Variants in PITPNM2 observed in about 807,000 individuals in gnomAD.
PITPNM2 encodes membrane-associated phosphatidylinositol transfer protein 2.
PITPNM2 carries 35 observed loss-of-function variants against 132.2 expected under a neutral mutation model. The ratio of observed to expected loss-of-function variants is 0.26; its 90% confidence interval spans 0.20 to 0.35. PITPNM2 has a LOEUF of 0.35. PITPNM2 is among the 10% of genes least tolerant of loss of function. PITPNM2 has a pLI of 1.00. For synonymous variants in PITPNM2, 738 were observed against 799.2 expected (o/e 0.92, Z 1.29); for missense variants, 1,332 against 1,912.0 (o/e 0.70, Z 5.66).
At chr12:123,046,698 C>T (rs2136598234) in intron 2 of PITPNM2, among the ~76,000 whole-genome samples, 1 of 152,232 alleles carries the variant, frequency 6.6e-6, no homozygotes, top group South Asian at 2.1e-4. Context: ...ACAATATGTG[C>T]TTTCTGTGTC....
At position 123,077,879 on chromosome 12, in the gene PITPNM2, C is replaced by T. The variant is rs1214894160; in HGVS notation, c.-96+32506G>A. 6.6e-6 allele frequency among the ~76,000 whole-genome samples: 1 copy of T among 151,986 alleles called. No individual in the cohort carries two copies. The highest frequency in any genetic ancestry group is 1.5e-5 in the Non-Finnish European group (1 of 67,990). ...TGCACCACAGGAGCCAGGCTGGGGTCGCGCAGCAGCCTCCCATCCCTGCAG... is the reference window on the plus strand; with the variant it reads ...TGCACCACAGGAGCCAGGCTGGGGTTGCGCAGCAGCCTCCCATCCCTGCAG... On this transcript the variant is annotated intron_variant, in intron 2 of 25. Coordinates refer to ENST00000320201, the MANE Select transcript of PITPNM2 (RefSeq NM_020845.3). The surrounding 1 kb of genome is among the most constrained non-coding windows in gnomAD (Gnocchi z 4.8).
intron 1 of PITPNM2, among the ~76,000 whole-genome samples, chr12:123,114,192 T>G (rs1390171602): frequency 3.3e-5 from 5 of 152,192 alleles, no homozygotes; most frequent in Non-Finnish European, 7.3e-5. Flanking sequence ...TATTTTCAAT[T>G]CTTTTGGGTA....
At position 123,012,588 on chromosome 12, in the gene PITPNM2, G is replaced by A. The variant is rs201376623; in HGVS notation, c.415+25C>T. On this transcript the variant is annotated intron_variant, in intron 5 of 25. Coordinates refer to ENST00000320201, the MANE Select transcript of PITPNM2 (RefSeq NM_020845.3). ...GGTAGGAAACCCAGAGTACAGCCCT[G>A]TGGGGCTCTGCCCTTCCTGGTTACC... The A allele has an allele frequency of 1.2e-3, 1,898 of 1,613,460 alleles. 39 individuals are homozygous for A. The highest frequency in any genetic ancestry group is 2.2e-4 in the Non-Finnish European group (265 of 1,179,572).
chr12:123,128,897 A>G (rs1329491580), intron 1 of PITPNM2, among the ~76,000 whole-genome samples: 1 of 151,862 alleles, frequency 6.6e-6, no homozygotes, highest in Non-Finnish European at 1.5e-5. Flanking sequence ...AGCACTTGGG[A>G]GGCCAAGAGG....
intron 1 of PITPNM2, among the ~76,000 whole-genome samples, chr12:123,136,769 C>T (rs1014663764): frequency 6.6e-6 from 1 of 152,020 alleles, no homozygotes; most frequent in Non-Finnish European, 1.5e-5. Flanking sequence ...TGGTGGCAGG[C>T]GCCTGTAGTC....
rs770772233 is a variant in PITPNM2 at position 122,994,873 on chromosome 12, C to T, written c.2161G>A (p.Asp721Asn). 100 of 1,612,162 alleles carry T rather than the reference C, an allele frequency of 6.2e-5. No homozygotes were observed. Among genetic ancestry groups the T allele is most frequent in the South Asian group, 3.3e-4 (30 of 91,046 alleles). ...AGCGGGCACCCGAAGAGGAAGAGGTCGGTGATCTCAAAGTCAAACCTGCCC... is the reference window on the plus strand; with the variant it reads ...AGCGGGCACCCGAAGAGGAAGAGGTTGGTGATCTCAAAGTCAAACCTGCCC... ...ALGRFDFEIT[D>N]LFLFGCPLGL... The change falls in exon 15 of 26, where the codon GAC becomes AAC. Residue 721 changes from aspartate (D) to asparagine (N), a missense_variant. Transcript: ENST00000320201. This position sits in a 1 kb window ranked among gnomAD's most constrained non-coding sequence, Gnocchi z 5.4.
rs2037897364 is a variant in PITPNM2, at chr12:122,985,484, G to A, written c.*543C>T. ...TGTGGTTGTAGGTCCTGGGTCAGCAGGTACTGAGTTTCATGCATGTCAACG... is the reference window on the plus strand; with the variant it reads ...TGTGGTTGTAGGTCCTGGGTCAGCAAGTACTGAGTTTCATGCATGTCAACG... On this transcript the variant is annotated 3_prime_UTR_variant, in exon 26 of 26. Transcript: ENST00000320201. The A allele has an allele frequency of 1.3e-5, 2 of 152,956 alleles. No individual in the cohort carries two copies. Among genetic ancestry groups the A allele is most frequent in the Non-Finnish European group, 2.9e-5 (2 of 68,306 alleles). 9.5% of individuals were successfully genotyped at this position (152,956 alleles called of 1,614,324 possible).
intron 2 of PITPNM2, chr12:123,091,741 C>CCAGAG (rs768772126): frequency 3.7e-4 from 57 of 152,312 alleles, no homozygotes; most frequent in African/African-American, 1.1e-3. Flanking sequence ...CCGCTGTCAC[C>CCAGAG]CAGAGCATAT....
Position 123,058,052 on chromosome 12 carries a change from C to T in PITPNM2, c.-95-23367G>A, listed in dbSNP as rs919089891. ...GGGCCACTAGGCAGCAAAAAACAAA[C>T]TATGCCTTCATCCCCTGACCTTTTA... On this transcript the variant is annotated intron_variant, in intron 2 of 25. Transcript: ENST00000320201. This position sits in a 1 kb window ranked among gnomAD's most constrained non-coding sequence, Gnocchi z 4.0. Among the ~76,000 whole-genome samples, 1 of 152,240 alleles carries T rather than the reference C, an allele frequency of 6.6e-6. No homozygotes were observed. Among genetic ancestry groups the T allele is most frequent in the Non-Finnish European group, 1.5e-5 (1 of 68,038 alleles).
intron 2 of PITPNM2, among the ~76,000 whole-genome samples, chr12:123,101,383 T>C (rs1347004608): frequency 1.3e-5 from 2 of 152,188 alleles, no homozygotes; most frequent in Admixed American, 6.5e-5. Flanking sequence ...TTAATAAACA[T>C]ATCCACAGCG....
In PITPNM2 at chr12:123,023,375, C is replaced by G. The variant is rs748023667; in HGVS notation, c.79-9333G>C. Reference sequence around the variant, plus strand: ...TCTTCTGGGTGGAGCAGAAGGTGCACGTGACCAGAGCCATCTCTAGAGAAG... The same window carrying G: ...TCTTCTGGGTGGAGCAGAAGGTGCAGGTGACCAGAGCCATCTCTAGAGAAG... On this transcript the variant is annotated intron_variant, in intron 3 of 25. Coordinates refer to ENST00000320201, the MANE Select transcript of PITPNM2 (RefSeq NM_020845.3). This position sits in a 1 kb window ranked among gnomAD's most constrained non-coding sequence, Gnocchi z 4.8. Among the ~76,000 whole-genome samples the G allele has an allele frequency of 6.6e-6, 1 of 152,136 alleles. No individual in the cohort carries two copies. Among genetic ancestry groups the G allele is most frequent in the East Asian group, 1.9e-4 (1 of 5,180 alleles).
Position 122,997,423 on chromosome 12 carries a change from G to A in PITPNM2, c.1374C>T (p.Thr458=), listed in dbSNP as rs966923075. The A allele has an allele frequency of 6.2e-6, 10 of 1,613,452 alleles. No homozygotes were observed. The highest frequency in any genetic ancestry group is 2.2e-5 in the East Asian group (1 of 44,890). ...DANTIANVFD[T]VMRVHYPSAL... is the part of the protein sequence containing the mutation. ...CGCTGGGGTAGTGCACGCGCATGAC[G>A]GTGTCGAACACGTTGGCGATGGTGT... Residue 458 remains threonine, a synonymous_variant, in exon 11 of 26, where the codon ACC becomes ACT. Coordinates refer to ENST00000320201, the MANE Select transcript of PITPNM2 (RefSeq NM_020845.3).
At position 122,984,025 on chromosome 12, in the gene PITPNM2, G is replaced by A. The variant is rs145886845; in HGVS notation, c.*2002C>T. 1 of 152,898 alleles carries A rather than the reference G, an allele frequency of 6.5e-6. No individual in the cohort carries two copies. Among genetic ancestry groups the A allele is most frequent in the Non-Finnish European group, 1.5e-5 (1 of 68,072 alleles). The allele number at this position is 152,898 out of a possible 1,614,324, so 9.5% of individuals were successfully genotyped here. The stretch of plus-strand genomic sequence containing the variant: ...GGAAAGCAGACCTGGATACAGAAGA[G>A]ACTTCCCATGGGGGGGCAGGCTGCC... On this transcript the variant is annotated 3_prime_UTR_variant, in exon 26 of 26. Transcript: ENST00000320201.
At chr12:123,024,918 C>G (rs976538005) in intron 3 of PITPNM2, among the ~76,000 whole-genome samples, 13 of 152,228 alleles carry the variant, frequency 8.5e-5, no homozygotes, top group African/African-American at 3.1e-4. Context: ...CTCAATAAAG[C>G]TGTTATAAAA....
chr12:123,058,912 G>A lies in PITPNM2; in HGVS notation c.-95-24227C>T, dbSNP rs563830768. Among the ~76,000 whole-genome samples, 1 of 151,452 alleles carries A rather than the reference G, an allele frequency of 6.6e-6. No individual in the cohort carries two copies. The highest frequency in any genetic ancestry group is 6.6e-5 in the Admixed American group (1 of 15,140). On this transcript the variant is annotated intron_variant, in intron 2 of 25. Transcript: ENST00000320201. The surrounding 1 kb of genome is among the most constrained non-coding windows in gnomAD (Gnocchi z 4.0). ...GCAAAGCTGAGTGCCCAGGTGCATTGAGAGCACCTCAGCCCCAGCTCCCAC... is the reference window on the plus strand; with the variant it reads ...GCAAAGCTGAGTGCCCAGGTGCATTAAGAGCACCTCAGCCCCAGCTCCCAC...
In PITPNM2 at chr12:123,129,011, T is replaced by A. The variant is rs377293804; in HGVS notation, c.-199-18523A>T. The stretch of plus-strand genomic sequence containing the variant: ...TTAGCCAGGTGTGGTGGTGGGCACC[T>A]GTAATTACAGCTACTCAGGAGGCTG... On this transcript the variant is annotated intron_variant, in intron 1 of 25. Coordinates refer to ENST00000320201, the MANE Select transcript of PITPNM2 (RefSeq NM_020845.3). Among the ~76,000 whole-genome samples, 36 of 152,264 alleles carry A rather than the reference T, an allele frequency of 2.4e-4. No homozygotes were observed. In the East Asian group the frequency reaches 4.2e-3, roughly 18 times the overall value.
rs116081020 is a variant in PITPNM2 at position 123,082,175 on chromosome 12, G to C, written c.-96+28210C>G. 0.016 allele frequency among the ~76,000 whole-genome samples: 2,397 copies of C among 152,228 alleles called. 33 individuals carry two copies. Among genetic ancestry groups the C allele is most frequent in the Middle Eastern group, 0.075 (22 of 294 alleles). The stretch of plus-strand genomic sequence containing the variant: ...GCAGGCTCTGCCCTGCCACCTCTCC[G>C]CCCTGGCAAGGCCGTGGGCAAGTTC... On this transcript the variant is annotated intron_variant, in intron 2 of 25. Transcript: ENST00000320201. The surrounding 1 kb of genome is among the most constrained non-coding windows in gnomAD (Gnocchi z 5.4).
In PITPNM2 at chr12:123,083,376, T is replaced by C. The variant is rs139315281; in HGVS notation, c.-96+27009A>G. ...GATGGATGGATGAATGAAGACCCTG[T>C]ATAGGTCAATGCCTCAAATGTCTGT... On this transcript the variant is annotated intron_variant, in intron 2 of 25. Coordinates refer to ENST00000320201, the MANE Select transcript of PITPNM2 (RefSeq NM_020845.3). The surrounding 1 kb of genome is among the most constrained non-coding windows in gnomAD (Gnocchi z 4.5). The C allele has an allele frequency of 1.3e-5, 2 of 152,354 alleles. No individual in the cohort carries two copies. Among genetic ancestry groups the C allele is most frequent in the Non-Finnish European group, 2.9e-5 (2 of 68,086 alleles). 9.4% of individuals were successfully genotyped at this position (152,354 alleles called of 1,614,324 possible).
chr12:123,038,576 CT>C (rs769620055), intron 2 of PITPNM2, among the ~76,000 whole-genome samples: 1 of 152,236 alleles, frequency 6.6e-6, no homozygotes, highest in Non-Finnish European at 1.5e-5. Flanking sequence ...GAGCCAGGCT[CT>C]CTGAGATCCA....
Sources: allele counts gnomAD v4.1 joint callset (sites outside exome capture counted in the v4.1 genomes callset), GRCh38; gene constraint gnomAD v4.1.1; non-coding constraint Gnocchi (gnomAD v3.1); transcripts MANE v1.5; gene names NCBI Gene and HGNC (gene_info 2026-07-23, HGNC 2026-07-21).